Variants in EHBP1 observed in about 807,000 individuals in gnomAD.
The protein encoded by EHBP1 is EH domain binding protein 1.
Under a neutral mutation model 144.0 loss-of-function variants are expected in EHBP1, and 55 were observed. That is an observed-to-expected ratio of 0.38 (90% CI 0.31 to 0.48). The LOEUF (loss-of-function observed/expected upper bound fraction) is 0.48, where lower values mean the gene tolerates loss of function less well. Ranked by LOEUF, EHBP1 falls within the 20% of genes least tolerant of loss-of-function variation. The pLI is 0.98. For missense variants in EHBP1, 1,200 were observed against 1,364.2 expected, an observed-to-expected ratio of 0.88 and a Z score of 1.90; for synonymous variants, 469 against 472.7, an observed-to-expected ratio of 0.99 and a Z score of 0.10.
chr2:62,969,617 A>G (rs929344157), intron 14 of EHBP1, among the ~76,000 whole-genome samples: 5 of 152,158 alleles, frequency 3.3e-5, no homozygotes, highest in African/African-American at 1.2e-4. Context: ...TTTCCTATGT[A>G]TCTTAAACAA....
intron 5 of EHBP1, among the ~76,000 whole-genome samples, chr2:62,772,359 G>A (rs957018928): frequency 6.6e-6 from 1 of 152,030 alleles, no homozygotes; most frequent in African/African-American, 2.4e-5. Context: ...GCATATAGTA[G>A]GTATTCAATA....
At chr2:63,031,120 T>C (rs2061230988) in intron 19 of EHBP1, among the ~76,000 whole-genome samples, 1 of 152,132 alleles carries the variant, frequency 6.6e-6, no homozygotes, top group African/African-American at 2.4e-5. Flanking sequence ...TTAAAGAAAT[T>C]ATTTTATTCA....
intron 19 of EHBP1, among the ~76,000 whole-genome samples, chr2:63,025,036 C>G (rs2060915806): frequency 6.6e-6 from 1 of 151,836 alleles, no homozygotes; most frequent in Admixed American, 6.6e-5. Flanking sequence ...GAAAAAAGTA[C>G]TAAACATTCA....
At position 62,747,425 on chromosome 2, in the gene EHBP1, C is replaced by T; in HGVS notation, c.135C>T (p.Thr45=). ...CAGATAAACTGGTGGTAGTTTGGAC[C>T]AGAAGAAGCCGAAGGAAGTCTTCTA... ...WQPDKLVVVW[T]RRSRRKSSKA... The change falls in exon 3 of 23, where the codon ACC becomes ACT. Residue 45 remains threonine, a synonymous_variant. Coordinates refer to ENST00000431489, the MANE Select transcript of EHBP1 (RefSeq NM_001142616.3). The T allele has an allele frequency of 6.2e-7, 1 of 1,609,038 alleles. No homozygotes were observed. The highest frequency in any genetic ancestry group is 8.5e-7 in the Non-Finnish European group (1 of 1,177,470).
chr2:63,034,107 A>C (rs770488412), intron 19 of EHBP1, among the ~76,000 whole-genome samples: 1 of 152,112 alleles, frequency 6.6e-6, no homozygotes, highest in Non-Finnish European at 1.5e-5. Flanking sequence ...ACAAAGTAGG[A>C]AAAAATATTA....
chr2:62,707,274 T>C lies in EHBP1; in HGVS notation c.83T>C (p.Met28Thr), dbSNP rs986979725. ...FQFVASYQEL[M>T]VECTKKWQPD... ...TTTGTGGCCTCCTACCAGGAGCTCA[T>C]GGTTGAGTGTACGAAGAAATGGTAA... Residue 28 changes from methionine to threonine, a missense_variant, in exon 2 of 23, where the codon ATG becomes ACG. Met to Thr is a moderately conservative substitution (Grantham distance 81). Coordinates refer to ENST00000431489, the MANE Select transcript of EHBP1 (RefSeq NM_001142616.3). The C allele has an allele frequency of 1.4e-5, 22 of 1,613,852 alleles. No homozygotes were observed. In the African/African-American group the frequency reaches 2.4e-4, roughly 18 times the overall value.
intron 19 of EHBP1, among the ~76,000 whole-genome samples, chr2:63,031,764 A>C (rs1023902807): frequency 2.0e-5 from 3 of 152,116 alleles, no homozygotes; most frequent in Non-Finnish European, 4.4e-5. Context: ...CCCCACGTCT[A>C]CTGAAAATAC....
intron 19 of EHBP1, among the ~76,000 whole-genome samples, chr2:63,017,343 C>A (rs1167664527): frequency 6.6e-6 from 1 of 152,142 alleles, no homozygotes; most frequent in Non-Finnish European, 1.5e-5. Context: ...TACTTGGATC[C>A]CTCATTATGC....
At chr2:62,986,613 A>T (rs1233032912) in intron 15 of EHBP1, among the ~76,000 whole-genome samples, 3 of 150,462 alleles carry the variant, frequency 2.0e-5, no homozygotes, top group African/African-American at 7.3e-5. Flanking sequence ...TAATTTTTTT[A>T]TTTTCAGTGG....
chr2:62,875,420 C>T (rs1299973791), intron 10 of EHBP1, among the ~76,000 whole-genome samples: 1 of 152,212 alleles, frequency 6.6e-6, no homozygotes, highest in Non-Finnish European at 1.5e-5. Context: ...CAAAGCCAGT[C>T]ATCTGAACAC....
At chr2:63,021,258 C>A (rs369210144) in intron 19 of EHBP1, among the ~76,000 whole-genome samples, 1 of 152,102 alleles carries the variant, frequency 6.6e-6, no homozygotes, top group Admixed American at 6.6e-5. Context: ...CCCAGCCCCC[C>A]AGAAAAGCCA....
intron 5 of EHBP1, among the ~76,000 whole-genome samples, chr2:62,780,181 G>C (rs923627761): frequency 1.3e-4 from 20 of 151,704 alleles, no homozygotes; most frequent in Admixed American, 1.2e-3. Context: ...TATTATTCTT[G>C]TTTCTACAAA....
intron 7 of EHBP1, among the ~76,000 whole-genome samples, chr2:62,848,926 G>A (rs1454213729): frequency 6.6e-6 from 1 of 152,094 alleles, no homozygotes; most frequent in Non-Finnish European, 1.5e-5. Flanking sequence ...CTGGAAAGTA[G>A]CATGTAAAAA....
At chr2:62,732,272 T>A (rs1385930950) in intron 2 of EHBP1, among the ~76,000 whole-genome samples, 1 of 152,224 alleles carries the variant, frequency 6.6e-6, no homozygotes, top group Non-Finnish European at 1.5e-5. Context: ...TTGGTGTCTA[T>A]TAATTTTTGG....
chr2:62,836,822 A>C (rs986985093), intron 7 of EHBP1, among the ~76,000 whole-genome samples: 2 of 151,428 alleles, frequency 1.3e-5, no homozygotes, highest in African/African-American at 4.9e-5. Context: ...AAAGCCTCCA[A>C]GAAATATGGG....
At chr2:62,696,765 C>G (rs2034115675) in intron 1 of EHBP1, among the ~76,000 whole-genome samples, 1 of 152,042 alleles carries the variant, frequency 6.6e-6, no homozygotes, top group Non-Finnish European at 1.5e-5. Context: ...CTTCCACCCT[C>G]CTTGGCCTGC....
At chr2:62,960,058 TGAAAG>T (rs1177796278) in intron 14 of EHBP1, among the ~76,000 whole-genome samples, 1 of 152,086 alleles carries the variant, frequency 6.6e-6, no homozygotes, top group Non-Finnish European at 1.5e-5. Flanking sequence ...GTTAAAGGAT[TGAAAG>T]GAAAGGTCTA....
At chr2:62,760,020 CCT>C (rs2040639994) in intron 3 of EHBP1, among the ~76,000 whole-genome samples, 1 of 151,942 alleles carries the variant, frequency 6.6e-6, no homozygotes, top group African/African-American at 2.4e-5. Context: ...TTCCAGGACC[CCT>C]GTGTATACTG....
At chr2:62,796,826 C>A (rs1191177273) in intron 5 of EHBP1, among the ~76,000 whole-genome samples, 1 of 139,884 alleles carries the variant, frequency 7.1e-6, no homozygotes, top group Non-Finnish European at 1.6e-5. Context: ...TGACTTCTGA[C>A]TTTTTTTTTT....
Sources: gnomAD v4.1 joint callset for allele counts (sites outside exome capture counted in the v4.1 genomes callset) on GRCh38, gnomAD v4.1.1 for gene constraint, MANE v1.5 for transcripts, NCBI Gene and HGNC (gene_info 2026-07-23, HGNC 2026-07-21) for gene names.